HMBOX1: variants seen among roughly 807,000 people sequenced by gnomAD.
The protein encoded by HMBOX1 is homeobox-containing protein 1.
In HMBOX1, 14 loss-of-function variants were observed where a neutral mutation model predicts 54.5. The ratio of observed to expected loss-of-function variants is 0.26; its 90% confidence interval spans 0.17 to 0.40. The LOEUF (loss-of-function observed/expected upper bound fraction) is 0.40. Among genes scored for constraint, HMBOX1 ranks in the 10% least tolerant of loss-of-function variants. HMBOX1 has a pLI of 1.00. For synonymous variants in HMBOX1, 160 were observed against 181.0 expected, an observed-to-expected ratio of 0.88 and a Z score of 0.93; for missense variants, 332 against 514.4, an observed-to-expected ratio of 0.65 and a Z score of 3.43.
chr8:28,967,350 ATC>A (rs900301221), intron 2 of HMBOX1, among the ~76,000 whole-genome samples: 1 of 152,244 alleles, frequency 6.6e-6, no homozygotes, highest in African/African-American at 2.4e-5. Context: ...TAGTCAATGA[ATC>A]TGAAATGACA....
intron 1 of HMBOX1, among the ~76,000 whole-genome samples, chr8:28,920,748 T>A (rs1306188952): frequency 6.6e-6 from 1 of 152,132 alleles, no homozygotes; most frequent in Admixed American, 6.6e-5. Context: ...CTGCCTTGAT[T>A]TTTTAGAGGA....
At chr8:28,971,085 A>C (rs1340767952) in intron 3 of HMBOX1, among the ~76,000 whole-genome samples, 1 of 91,870 alleles carries the variant, frequency 1.1e-5, no homozygotes, top group Non-Finnish European at 2.1e-5. Context: ...AAAGAAATCT[A>C]CTTTTTTTTT....
intron 8 of HMBOX1, 73 bp downstream of exon 8, chr8:29,047,526 C>A: frequency 1.4e-6 from 1 of 732,892 alleles, no homozygotes; most frequent in Admixed American, 2.1e-5. Flanking sequence ...AGATTAACTT[C>A]AGTTTAGAAA....
At chr8:29,011,883 G>A (rs2132876321) in intron 5 of HMBOX1, among the ~76,000 whole-genome samples, 1 of 152,294 alleles carries the variant, frequency 6.6e-6, no homozygotes, top group South Asian at 2.1e-4. Context: ...AGTACATAGT[G>A]CCTCCTTTTA....
rs942815888 is a variant in HMBOX1 at position 29,003,484 on chromosome 8, TTG to T, written c.587-5576_587-5575del. ...AAGTGTATGTTTTTAAAACAACTGG[TTG>T]TGTGTGTGTGTATATATATATATAT... On this transcript the variant is annotated intron_variant, in intron 4 of 9. Transcript: ENST00000287701. Among the ~76,000 whole-genome samples the T allele has an allele frequency of 1.7e-4, 14 of 80,530 alleles. No individual in the cohort carries two copies. In the South Asian group the frequency reaches 6.6e-3, roughly 38 times the overall value. 52.8% of individuals were successfully genotyped at this position (80,530 alleles called of 152,430 possible). A position where few individuals can be genotyped will look rare whatever the true frequency, so the allele number is the denominator to read the frequency against.
At chr8:28,992,465 A>G (rs763779549) in intron 4 of HMBOX1, among the ~76,000 whole-genome samples, 17 of 152,352 alleles carry the variant, frequency 1.1e-4, no homozygotes, top group Non-Finnish European at 8.8e-5. Context: ...TATGTTAACC[A>G]TAAGTTTTAT....
intron 3 of HMBOX1, among the ~76,000 whole-genome samples, chr8:28,974,205 T>C (rs2132404676): frequency 6.6e-6 from 1 of 152,332 alleles, no homozygotes; most frequent in African/African-American, 2.4e-5. Context: ...ACTTTCACTT[T>C]TTTCATTTTT....
At chr8:29,009,871 C>A in intron 5 of HMBOX1, 2 of 1,151,606 alleles carry the variant, frequency 1.7e-6, no homozygotes, top group Non-Finnish European at 1.1e-6. Flanking sequence ...TCAATCTATA[C>A]TTTACACAGG....
At chr8:29,001,264 T>C (rs1445324342) in intron 4 of HMBOX1, among the ~76,000 whole-genome samples, 1 of 152,088 alleles carries the variant, frequency 6.6e-6, no homozygotes, top group Non-Finnish European at 1.5e-5. Context: ...AAATAAGGCA[T>C]TTTGGCCAGA....
chr8:29,009,268 C>A, intron 5 of HMBOX1, 86 bp downstream of exon 5: 1 of 1,193,856 alleles, frequency 8.4e-7, no homozygotes, highest in Non-Finnish European at 1.2e-6. Flanking sequence ...CTAACTTGTT[C>A]AGTAAGATGG....
At chr8:28,908,759 C>CGA (rs1814830042) in intron 1 of HMBOX1, among the ~76,000 whole-genome samples, 1 of 151,906 alleles carries the variant, frequency 6.6e-6, no homozygotes, top group African/African-American at 2.4e-5. Context: ...GAGCGAGACT[C>CGA]TGTCTTAAAA....
At chr8:28,939,453 A>G (rs146541595) in intron 1 of HMBOX1, among the ~76,000 whole-genome samples, 8 of 152,186 alleles carry the variant, frequency 5.3e-5, no homozygotes, top group African/African-American at 1.4e-4. Flanking sequence ...TGAAATAGTC[A>G]TTGGAATAGG....
intron 1 of HMBOX1, among the ~76,000 whole-genome samples, chr8:28,943,790 C>T (rs1206435311): frequency 6.6e-6 from 1 of 152,190 alleles, no homozygotes; most frequent in South Asian, 2.1e-4. Context: ...TCACTCTGCC[C>T]TGTGGTGAAC....
chr8:28,940,027 A>T (rs1821090005), intron 1 of HMBOX1, among the ~76,000 whole-genome samples: 1 of 151,268 alleles, frequency 6.6e-6, no homozygotes, highest in Non-Finnish European at 1.5e-5. Context: ...ATTGTTTTAG[A>T]TTTTTTTTGT....
chr8:29,035,711 TG>T (rs954428151), intron 6 of HMBOX1, among the ~76,000 whole-genome samples: 7 of 152,348 alleles, frequency 4.6e-5, no homozygotes, highest in African/African-American at 1.7e-4. Context: ...AACCAAACAC[TG>T]CCCTCTTGTG....
At chr8:28,900,271 A>AAAAATATATATAT (rs747317282) in intron 1 of HMBOX1, among the ~76,000 whole-genome samples, 1 of 70,334 alleles carries the variant, frequency 1.4e-5, no homozygotes, top group African/African-American at 4.6e-5. Context: ...AAAAAAAAAA[A>AAAAATATATATAT]ATATATATAT....
intron 1 of HMBOX1, among the ~76,000 whole-genome samples, chr8:28,892,849 C>T (rs1375182769): frequency 6.6e-6 from 1 of 152,108 alleles, no homozygotes; most frequent in Non-Finnish European, 1.5e-5. Context: ...TTGTTTTAAG[C>T]TTGTATCTTA....
At chr8:29,027,829 A>G (rs991383241) in intron 6 of HMBOX1, among the ~76,000 whole-genome samples, 13 of 152,308 alleles carry the variant, frequency 8.5e-5, no homozygotes, top group Admixed American at 5.9e-4. Context: ...ATTTGGGTGT[A>G]TCCAGGAACA....
intron 4 of HMBOX1, among the ~76,000 whole-genome samples, chr8:29,003,026 G>C (rs943615866): frequency 1.3e-5 from 2 of 151,718 alleles, no homozygotes; most frequent in African/African-American, 4.8e-5. Context: ...GTAATGGTGA[G>C]AATGTAGGAA....
Sources: gnomAD v4.1 joint callset for allele counts (sites outside exome capture counted in the v4.1 genomes callset) on GRCh38, gnomAD v4.1.1 for gene constraint, MANE v1.5 for transcripts, NCBI Gene and HGNC (gene_info 2026-07-23, HGNC 2026-07-21) for gene names.